The following VIRMA variants were observed in gnomAD, a reference collection of about 807,000 sequenced individuals.
The protein encoded by VIRMA is vir like m6A methyltransferase associated, also known as protein virilizer homolog.
A neutral mutation model predicts 182.4 loss-of-function variants in VIRMA; 65 were observed. The observed-to-expected ratio is 0.36, with a 90% CI of 0.29 to 0.44. The LOEUF is 0.44. VIRMA is among the 20% of genes least tolerant of loss of function. The pLI is 1.00. For synonymous variants in VIRMA, 709 were observed against 743.1 expected, an observed-to-expected ratio of 0.95 and a Z score of 0.75; for missense variants, 1,752 against 2,158.1, an observed-to-expected ratio of 0.81 and a Z score of 3.73.
At chr8:94,538,544 C>G (rs989680829) in intron 2 of VIRMA, among the ~76,000 whole-genome samples, 198 bp from the exon 3 acceptor site, 63 of 152,136 alleles carry the variant, frequency 4.1e-4, no homozygotes, top group African/African-American at 1.5e-3. Context: ...TAGCCAACAG[C>G]TGATTTTAAG....
At chr8:94,503,334 T>C (rs1814055863) in intron 16 of VIRMA, among the ~76,000 whole-genome samples, 1 of 152,260 alleles carries the variant, frequency 6.6e-6, no homozygotes, top group Non-Finnish European at 1.5e-5. Flanking sequence ...TCAAGGTCAG[T>C]ATCATCAGTA....
At position 94,496,443 on chromosome 8, in the gene VIRMA, T is replaced by C. The variant is rs371099063; in HGVS notation, c.4268A>G (p.Glu1423Gly). Residue 1423 changes from glutamate to glycine, a missense_variant, in exon 18 of 24, where the codon GAG (glutamate) becomes GGG (glycine). Coordinates refer to ENST00000297591, the MANE Select transcript of VIRMA (RefSeq NM_015496.5). The stretch of plus-strand genomic sequence containing the variant: ...CATCGTCCGTGATGTATGAGCTCCC[T>C]CTACTTCCATGAGACCATTATCATC... ...CGDDNGLMEVEGAHTSRTMSI... is the reference protein window; with the variant it reads ...CGDDNGLMEVGGAHTSRTMSI... 14 of 1,613,262 alleles carry C rather than the reference T, an allele frequency of 8.7e-6. No individual in the cohort carries two copies. Among genetic ancestry groups the C allele is most frequent in the East Asian group, 2.2e-5 (1 of 44,880 alleles).
At chr8:94,509,252 T>C (rs1481667196) in intron 15 of VIRMA, among the ~76,000 whole-genome samples, 2 of 151,866 alleles carry the variant, frequency 1.3e-5, no homozygotes, top group East Asian at 3.9e-4. Flanking sequence ...AATACAAAAA[T>C]TAGCCAGGTG....
chr8:94,496,787 T>A, intron 17 of VIRMA: 1 of 224,530 alleles, frequency 4.5e-6, no homozygotes, highest in Non-Finnish European at 8.6e-6. Context: ...GCTCAAGAAT[T>A]AATAAAATGC....
chr8:94,509,550 GAAC>G (rs2130302442), intron 15 of VIRMA, 135 bp downstream of exon 15: 5 of 865,176 alleles, frequency 5.8e-6, no homozygotes, highest in Middle Eastern at 2.6e-4. Context: ...GAGAACCCAT[GAAC>G]AACAGCAGGA....
chr8:94,549,521 T>C (rs867248499), intron 1 of VIRMA, among the ~76,000 whole-genome samples: 2 of 152,216 alleles, frequency 1.3e-5, no homozygotes, highest in African/African-American at 4.8e-5. Context: ...TTAGTCCCAC[T>C]AGTTCTCCTG....
chr8:94,507,529 T>A (rs906718440), intron 15 of VIRMA, among the ~76,000 whole-genome samples: 3 of 151,848 alleles, frequency 2.0e-5, no homozygotes, highest in Non-Finnish European at 4.4e-5. Flanking sequence ...CCAAGGCAAG[T>A]GGATTACCTG....
At chr8:94,526,152 C>A in intron 8 of VIRMA, 71 bp downstream of exon 8, 2 of 1,266,182 alleles carry the variant, frequency 1.6e-6, no homozygotes, top group South Asian at 1.5e-5. Flanking sequence ...AGATAAAAAG[C>A]AAAATCAACC....
chr8:94,521,701 T>C (rs1263468989), intron 8 of VIRMA, among the ~76,000 whole-genome samples: 1 of 152,192 alleles, frequency 6.6e-6, no homozygotes, highest in East Asian at 1.9e-4. Flanking sequence ...AGGCCAGAAC[T>C]TAATTTTGTC....
chr8:94,530,974 A>G lies in VIRMA; in HGVS notation c.596T>C (p.Val199Ala), dbSNP rs1358153237. Residue 199 changes from valine to alanine, a missense_variant, in exon 6 of 24, where the codon GTG becomes GCG. Transcript: ENST00000297591. ...PPPDDDEDDP[V>A]PLPVSGDKEE... ...GGTTTTATTTATACCTGGCAGAGGC[A>G]CAGGATCATCTTCATCATCATCAGG... The G allele has an allele frequency of 6.2e-7, 1 of 1,604,110 alleles. No homozygotes were observed. Among genetic ancestry groups the G allele is most frequent in the East Asian group, 2.3e-5 (1 of 43,730 alleles).
intron 11 of VIRMA, among the ~76,000 whole-genome samples, chr8:94,513,519 A>C (rs1248938812): frequency 6.6e-6 from 1 of 151,860 alleles, no homozygotes; most frequent in Non-Finnish European, 1.5e-5. Context: ...ATAAGGCAGC[A>C]GGGAGACACA....
chr8:94,506,379 C>T, intron 16 of VIRMA, 121 bp downstream of exon 16: 1 of 630,348 alleles, frequency 1.6e-6, no homozygotes, highest in Non-Finnish European at 2.7e-6. Context: ...CAAAATTTCT[C>T]CCACGAAAGA....
chr8:94,520,333 A>G (rs1177641675), intron 8 of VIRMA, among the ~76,000 whole-genome samples: 1 of 152,142 alleles, frequency 6.6e-6, no homozygotes, highest in Non-Finnish European at 1.5e-5. Context: ...CTGTCTCTAA[A>G]AAAATTTTTT....
chr8:94,512,257 G>C (rs1814405989), intron 11 of VIRMA, 168 bp from the exon 12 acceptor site: 2 of 310,440 alleles, frequency 6.4e-6, no homozygotes, highest in Non-Finnish European at 1.2e-5. Flanking sequence ...AGAGTTAAAT[G>C]AATTTATCAA....
chr8:94,517,623 C>T (rs924267994), intron 10 of VIRMA, among the ~76,000 whole-genome samples, 165 bp downstream of exon 10: 1 of 152,150 alleles, frequency 6.6e-6, no homozygotes, highest in Admixed American at 6.5e-5. Context: ...AACATTTTAT[C>T]AACCTTTAGT....
At chr8:94,519,832 C>G (rs1814699807) in intron 8 of VIRMA, among the ~76,000 whole-genome samples, 1 of 152,084 alleles carries the variant, frequency 6.6e-6, no homozygotes. Context: ...ATTCATGTAT[C>G]TAGGAAAAAT....
At position 94,488,640 on chromosome 8, in the gene VIRMA, C is replaced by T; in HGVS notation, c.*66G>A. The T allele has an allele frequency of 6.7e-7, 1 of 1,501,780 alleles. No homozygotes were observed. Among genetic ancestry groups the T allele is most frequent in the Non-Finnish European group, 9.1e-7 (1 of 1,096,794 alleles). 93.0% of individuals were successfully genotyped at this position (1,501,780 alleles called of 1,614,324 possible). A position where few individuals can be genotyped will look rare whatever the true frequency, so the allele number is the denominator to read the frequency against. On this transcript the variant is annotated 3_prime_UTR_variant, in exon 24 of 24. Coordinates refer to ENST00000297591, the MANE Select transcript of VIRMA (RefSeq NM_015496.5). ...AACTGCTAAGTCTAAATTGGTCCTT[C>T]AATGTCTTATTTTTATTGTCCTCGT... is the stretch of plus-strand genomic sequence containing the variant.
chr8:94,507,915 G>GTATATATGTATATATA (rs1814223065), intron 15 of VIRMA, among the ~76,000 whole-genome samples: 1 of 76,400 alleles, frequency 1.3e-5, no homozygotes, highest in South Asian at 6.8e-4. Flanking sequence ...ATATATGTAT[G>GTATATATGTATATATA]TGTATATATG....
intron 17 of VIRMA, 69 bp from the exon 18 acceptor site, chr8:94,496,549 A>G (rs1813784724): frequency 1.7e-5 from 22 of 1,285,772 alleles, no homozygotes; most frequent in Non-Finnish European, 2.1e-5. Flanking sequence ...ACACTTATTC[A>G]TATTATCTAA....
Sources: gnomAD v4.1 joint callset for allele counts (sites outside exome capture counted in the v4.1 genomes callset) on GRCh38, gnomAD v4.1.1 for gene constraint, MANE v1.5 for transcripts, NCBI Gene and HGNC (gene_info 2026-07-23, HGNC 2026-07-21) for gene names.